The following NSUN3 variants were observed in gnomAD, a reference collection of about 807,000 sequenced individuals.
NSUN3 encodes the protein NOP2/Sun RNA methyltransferase 3, also known as tRNA (cytosine(34)-C(5))-methyltransferase, mitochondrial.
Under a neutral mutation model 36.8 loss-of-function variants are expected in NSUN3, and 24 were observed. The observed-to-expected ratio is 0.65, with a 90% CI of 0.47 to 0.92. The LOEUF (loss-of-function observed/expected upper bound fraction) is 0.92, where lower values mean the gene tolerates loss of function less well. Among genes scored for constraint, NSUN3 ranks in the 40% least tolerant of loss-of-function variants. The pLI, the probability that NSUN3 is intolerant of heterozygous loss-of-function variation, is 0.00. For synonymous variants in NSUN3, 146 were observed against 145.2 expected, an observed-to-expected ratio of 1.01 and a Z score of -0.04; for missense variants, 381 against 392.8, an observed-to-expected ratio of 0.97 and a Z score of 0.25.
At chr3:94,114,504 A>G (rs2077431687) in intron 5 of NSUN3, among the ~76,000 whole-genome samples, 1 of 152,248 alleles carries the variant, frequency 6.6e-6, no homozygotes, top group South Asian at 2.1e-4. Context: ...CACATGTCCT[A>G]CACTCAGTTA....
chr3:94,085,029 TTC>T (rs1491252459), intron 3 of NSUN3: 3 of 152,240 alleles, frequency 2.0e-5, no homozygotes, highest in South Asian at 2.1e-4. Context: ...ATATTTTACA[TTC>T]TCTCTTTTTT....
At chr3:94,076,823 A>C in intron 2 of NSUN3, 1 of 1,584,358 alleles carries the variant, frequency 6.3e-7, no homozygotes, top group Non-Finnish European at 8.7e-7. Flanking sequence ...CTTGATTTCT[A>C]TTTCAATTTT....
At chr3:94,064,751 A>T (rs1346984686) in intron 2 of NSUN3, among the ~76,000 whole-genome samples, 2 of 152,240 alleles carry the variant, frequency 1.3e-5, no homozygotes, top group African/African-American at 4.8e-5. Context: ...CTTTGTCGGG[A>T]TGGTAAGCAC....
intron 5 of NSUN3, among the ~76,000 whole-genome samples, chr3:94,098,785 CT>C (rs1272916161): frequency 2.6e-5 from 4 of 152,122 alleles, no homozygotes; most frequent in African/African-American, 7.2e-5. Context: ...TCTACTGATT[CT>C]TCGGGAATCA....
chr3:94,108,258 A>G (rs564483021), intron 5 of NSUN3, among the ~76,000 whole-genome samples: 143 of 152,176 alleles, frequency 9.4e-4, no homozygotes, highest in Non-Finnish European at 1.8e-3. Flanking sequence ...CTCTATTCAG[A>G]ATTTTTGTTA....
At chr3:94,087,938 G>A (rs1042960294) in intron 3 of NSUN3, among the ~76,000 whole-genome samples, 1 of 152,114 alleles carries the variant, frequency 6.6e-6, no homozygotes, top group Non-Finnish European at 1.5e-5. Flanking sequence ...CAAAATGCTG[G>A]GATTACAGAT....
intron 5 of NSUN3, 132 bp from the exon 6 acceptor site, chr3:94,126,079 G>A: frequency 1.5e-6 from 1 of 682,978 alleles, no homozygotes. Flanking sequence ...AAAAAGACTA[G>A]AAAACATCCA....
intron 2 of NSUN3, chr3:94,076,271 T>G (rs547218083): frequency 1.8e-5 from 16 of 901,930 alleles, no homozygotes; most frequent in Non-Finnish European, 2.8e-5. Flanking sequence ...GTTTCAGATT[T>G]CTCAGATCCC....
chr3:94,079,993 TGGA>T lies in NSUN3; in HGVS notation c.123-4109_123-4107del, dbSNP rs902720505. On this transcript the variant is annotated intron_variant, in intron 2 of 5. Coordinates refer to ENST00000314622, the MANE Select transcript of NSUN3 (RefSeq NM_022072.5). ...TTGCCGGCGAGGAGTTGTGATCCTT[TGGA>T]GGAGAAGAGGCATTCTGGTTTTTGG... Among the ~76,000 whole-genome samples, 11 of 152,260 alleles carry T rather than the reference TGGA, an allele frequency of 7.2e-5. No homozygotes were observed. In the Middle Eastern group the frequency reaches 0.01, roughly 141 times the overall value.
rs552880305 is a variant in NSUN3 at position 94,084,271 on chromosome 3, C to A, written c.287C>A (p.Thr96Asn). Residue 96 changes from threonine to asparagine, a missense_variant, in exon 3 of 6, where the codon ACT becomes AAT. Thr to Asn is a moderately conservative substitution (Grantham distance 65, BLOSUM62 0). Transcript: ENST00000314622. ...TCAGTGAAGTGTTACCTTAGCAGAA[C>A]TCCGGGCCGAATCCCTTCAGAAAGA... The part of the protein sequence containing the change: ...PKSVKCYLSR[T>N]PGRIPSERHQ... The A allele has an allele frequency of 9.9e-6, 16 of 1,614,108 alleles. No homozygotes were observed. The African/African-American group carries it at 1.1e-4, about 11-fold the overall frequency.
chr3:94,107,932 T>C (rs1381298273), intron 5 of NSUN3, among the ~76,000 whole-genome samples: 1 of 151,172 alleles, frequency 6.6e-6, no homozygotes, highest in Non-Finnish European at 1.5e-5. Flanking sequence ...AAAACCATTC[T>C]CATTTTTATA....
chr3:94,123,401 A>G lies in NSUN3; in HGVS notation c.744-2810A>G, dbSNP rs555503327. 4.3e-4 allele frequency among the ~76,000 whole-genome samples: 66 copies of G among 152,294 alleles called. No homozygotes were observed. The South Asian group carries it at 0.013, about 30-fold the overall frequency. ...ATATTTATTTTATGAGTTGGCTGCA[A>G]ATAGAATTCACTTTAAATTGCTTTT... is the stretch of plus-strand genomic sequence containing the variant. On this transcript the variant is annotated intron_variant, in intron 5 of 5. Transcript: ENST00000314622.
At chr3:94,096,320 CTATT>C (rs1345245147) in intron 5 of NSUN3, among the ~76,000 whole-genome samples, 3 of 152,128 alleles carry the variant, frequency 2.0e-5, no homozygotes, top group Admixed American at 6.5e-5. Flanking sequence ...AGCAGTTAGA[CTATT>C]TGTTTGTATA....
intron 5 of NSUN3, among the ~76,000 whole-genome samples, chr3:94,105,345 A>G (rs913396548): frequency 6.6e-6 from 1 of 152,174 alleles, no homozygotes; most frequent in Non-Finnish European, 1.5e-5. Context: ...TCTGTCAGCA[A>G]GATTTTCCTG....
rs530535093 is a variant in NSUN3, at chr3:94,131,573, A to G, written c.*5083A>G. On this transcript the variant is annotated 3_prime_UTR_variant, in exon 6 of 6. Transcript: ENST00000314622. Reference sequence around the variant, plus strand: ...AGTGTGTCTTGTGATTTTGATACCCAGAAATCTCCAGTGGAGGGTATTCTC... The same window carrying G: ...AGTGTGTCTTGTGATTTTGATACCCGGAAATCTCCAGTGGAGGGTATTCTC... Among the ~76,000 whole-genome samples, 15 of 152,348 alleles carry G rather than the reference A, an allele frequency of 9.8e-5. No individual in the cohort carries two copies. The highest frequency in any genetic ancestry group is 3.6e-4 in the African/African-American group (15 of 41,582).
At chr3:94,098,113 CCT>C (rs1247590968) in intron 5 of NSUN3, among the ~76,000 whole-genome samples, 7 of 152,036 alleles carry the variant, frequency 4.6e-5, no homozygotes, top group Non-Finnish European at 7.4e-5. Context: ...GCCTCTTCCC[CCT>C]CTCTTCTCGA....
At chr3:94,104,469 G>A (rs1269868170) in intron 5 of NSUN3, among the ~76,000 whole-genome samples, 3 of 152,316 alleles carry the variant, frequency 2.0e-5, no homozygotes, top group African/African-American at 7.2e-5. Context: ...GAATTGAGGG[G>A]CATGATTTGG....
chr3:94,069,110 C>G (rs536605181), intron 2 of NSUN3, among the ~76,000 whole-genome samples: 1 of 152,270 alleles, frequency 6.6e-6, no homozygotes, highest in East Asian at 1.9e-4. Context: ...AGAGTTGCAT[C>G]CTTCCAAATG....
chr3:94,124,174 A>T (rs1351010013), intron 5 of NSUN3, among the ~76,000 whole-genome samples: 17 of 91,636 alleles, frequency 1.9e-4, no homozygotes, highest in East Asian at 7.4e-4. Context: ...TTTTTTTGAG[A>T]TGGAGTCTCA....
Sources: allele counts gnomAD v4.1 joint callset (sites outside exome capture counted in the v4.1 genomes callset), GRCh38; gene constraint gnomAD v4.1.1; transcripts MANE v1.5; gene names NCBI Gene and HGNC (gene_info 2026-07-23, HGNC 2026-07-21).